Variants in PHYHIPL observed in about 807,000 individuals in gnomAD.
The protein encoded by PHYHIPL is phytanoyl-CoA hydroxylase-interacting protein-like.
A neutral mutation model predicts 33.4 loss-of-function variants in PHYHIPL; 9 were observed. The observed-to-expected ratio is 0.27, with a 90% confidence interval of 0.16 to 0.47. The LOEUF is 0.47. Ranked by LOEUF, PHYHIPL falls within the 20% of genes least tolerant of loss-of-function variation. The pLI is 0.99. For missense variants in PHYHIPL, 365 were observed against 460.7 expected (o/e 0.79, Z 1.90); for synonymous variants, 153 against 154.1 (o/e 0.99, Z 0.05).
chr10:59,226,816 C>A (rs1350507588), intron 1 of PHYHIPL, among the ~76,000 whole-genome samples: 2 of 151,996 alleles, frequency 1.3e-5, no homozygotes, highest in Non-Finnish European at 1.5e-5. Flanking sequence ...GGATTTATAA[C>A]TTCCAAATTA....
At chr10:59,186,031 G>A (rs1838590037) in intron 1 of PHYHIPL, among the ~76,000 whole-genome samples, 1 of 152,186 alleles carries the variant, frequency 6.6e-6, no homozygotes, top group Admixed American at 6.5e-5. Flanking sequence ...TAGACATGAA[G>A]TCCTTGTCCA....
chr10:59,192,346 G>A (rs758145696), intron 1 of PHYHIPL, among the ~76,000 whole-genome samples: 3 of 152,006 alleles, frequency 2.0e-5, no homozygotes, highest in Non-Finnish European at 2.9e-5. Context: ...CACCTAGACG[G>A]CTTACTAAAA....
At chr10:59,182,200 G>T (rs573642573) in intron 1 of PHYHIPL, among the ~76,000 whole-genome samples, 298 of 151,914 alleles carry the variant, frequency 2.0e-3, no homozygotes, top group African/African-American at 7.0e-3. Context: ...TATAAGTTTT[G>T]CCTTGTAGAA....
chr10:59,204,670 A>AT (rs1415639095), intron 1 of PHYHIPL, among the ~76,000 whole-genome samples: 5 of 151,304 alleles, frequency 3.3e-5, no homozygotes, highest in South Asian at 2.1e-4. Context: ...GTAATCTGAG[A>AT]TTTTTTTTTC....
chr10:59,200,002 A>T (rs1017270322), intron 1 of PHYHIPL, among the ~76,000 whole-genome samples: 2 of 152,148 alleles, frequency 1.3e-5, no homozygotes, highest in African/African-American at 4.8e-5. Flanking sequence ...TCATCTGCAA[A>T]CAGGGTCAAT....
intron 1 of PHYHIPL, among the ~76,000 whole-genome samples, chr10:59,204,394 T>G (rs1388209613): frequency 6.6e-6 from 1 of 152,324 alleles, no homozygotes; most frequent in East Asian, 1.9e-4. Flanking sequence ...AAGTTATATT[T>G]TATCATGTAA....
intron 1 of PHYHIPL, among the ~76,000 whole-genome samples, chr10:59,189,075 A>G (rs1406342589): frequency 1.3e-5 from 2 of 152,126 alleles, no homozygotes; most frequent in African/African-American, 4.8e-5. Flanking sequence ...GATGCATATT[A>G]CAAAAATTTA....
chr10:59,217,125 C>A (rs751158428), intron 1 of PHYHIPL, among the ~76,000 whole-genome samples: 46 of 152,020 alleles, frequency 3.0e-4, no homozygotes, highest in African/African-American at 1.1e-3. Flanking sequence ...TACTAGACTA[C>A]CTTTTACAAA....
intron 1 of PHYHIPL, among the ~76,000 whole-genome samples, chr10:59,181,204 T>C (rs1323263083): frequency 6.6e-6 from 1 of 152,208 alleles, no homozygotes; most frequent in Non-Finnish European, 1.5e-5. Flanking sequence ...GTAATAATTA[T>C]TATTCTGAAT....
intron 1 of PHYHIPL, among the ~76,000 whole-genome samples, chr10:59,202,370 A>G (rs1399784148): frequency 6.6e-6 from 1 of 152,216 alleles, no homozygotes; most frequent in African/African-American, 2.4e-5. Context: ...AAATATAAAA[A>G]GTTATTCCAT....
intron 1 of PHYHIPL, among the ~76,000 whole-genome samples, chr10:59,213,933 T>C (rs1839536664): frequency 6.6e-6 from 1 of 152,158 alleles, no homozygotes; most frequent in Non-Finnish European, 1.5e-5. Flanking sequence ...CAGTGGATAC[T>C]CAGCCTTTCT....
intron 4 of PHYHIPL, among the ~76,000 whole-genome samples, chr10:59,243,109 T>C (rs1037402245): frequency 1.4e-5 from 2 of 147,230 alleles, no homozygotes; most frequent in Admixed American, 1.3e-4. Flanking sequence ...TATTACAAAC[T>C]GAAAACTGCA....
intron 1 of PHYHIPL, among the ~76,000 whole-genome samples, chr10:59,187,762 C>T (rs886443256): frequency 6.6e-6 from 1 of 152,104 alleles, no homozygotes; most frequent in Non-Finnish European, 1.5e-5. Context: ...TAGAGAGGTT[C>T]ATAGTATTCA....
rs1327415452 is a variant in PHYHIPL at position 59,245,398 on chromosome 10, G to C, written c.938G>C (p.Cys313Ser). The change falls in exon 5 of 5, where the codon TGT (cysteine) becomes TCT (serine). Residue 313 changes from cysteine to serine, a missense_variant. Around this residue, in one of 4 missense-constraint regions of PHYHIPL, gnomAD observed 196 missense variants for 224.9 expected, o/e 0.87. Transcript: ENST00000373880. ...LNSKDNKFLT[C>S]TEEDGVLVYH... ...TCTAAGGATAATAAATTTTTGACCTGTACAGAAGAAGATGGGGTGCTGGTT... is the reference window on the plus strand; with the variant it reads ...TCTAAGGATAATAAATTTTTGACCTCTACAGAAGAAGATGGGGTGCTGGTT... 6.2e-7 allele frequency: 1 copy of C among 1,614,074 alleles called. No homozygotes were observed. Among genetic ancestry groups the C allele is most frequent in the Non-Finnish European group, 8.5e-7 (1 of 1,180,026 alleles).
chr10:59,210,899 G>A (rs2133237911), intron 1 of PHYHIPL, among the ~76,000 whole-genome samples: 1 of 152,182 alleles, frequency 6.6e-6, no homozygotes, highest in Middle Eastern at 3.4e-3. Flanking sequence ...ACAGGGAGGG[G>A]AACATCACAC....
rs535471406 is a variant in PHYHIPL at position 59,199,153 on chromosome 10, T to A, written c.106+22194T>A. 5.8e-4 allele frequency among the ~76,000 whole-genome samples: 88 copies of A among 152,238 alleles called. 1 individual carries two copies. The South Asian group carries it at 0.01, about 18-fold the overall frequency. On this transcript the variant is annotated intron_variant, in intron 1 of 4. Coordinates refer to ENST00000373880, the MANE Select transcript of PHYHIPL (RefSeq NM_032439.4). The stretch of plus-strand genomic sequence containing the variant: ...GCCCATGCCTATGTCCTGAATGGTA[T>A]TGCCTAGGTTTTCTTCTAGGGTTTT...
At position 59,179,743 on chromosome 10, in the gene PHYHIPL, A is replaced by T. The variant is rs540910791; in HGVS notation, c.106+2784A>T. Reference sequence around the variant, plus strand: ...TGATTACATTATAAACAATAATTCAATTTTTTTCATAGTTTCTAAAAATAT... The same window carrying T: ...TGATTACATTATAAACAATAATTCATTTTTTTTCATAGTTTCTAAAAATAT... On this transcript the variant is annotated intron_variant, in intron 1 of 4. Transcript: ENST00000373880. Among the ~76,000 whole-genome samples the T allele has an allele frequency of 7.3e-5, 11 of 151,180 alleles. No homozygotes were observed. The South Asian group carries it at 2.4e-3, about 32-fold the overall frequency.
intron 4 of PHYHIPL, among the ~76,000 whole-genome samples, chr10:59,240,492 T>C (rs1840360233): frequency 6.6e-6 from 1 of 151,282 alleles, no homozygotes; most frequent in South Asian, 2.1e-4. Flanking sequence ...TAACAGAAAG[T>C]CTATTTTATA....
chr10:59,203,036 C>T (rs921080413), intron 1 of PHYHIPL, among the ~76,000 whole-genome samples: 1 of 152,018 alleles, frequency 6.6e-6, no homozygotes, highest in Non-Finnish European at 1.5e-5. Context: ...GGGCTAATAC[C>T]CAGAATCTAC....
Sources: allele counts gnomAD v4.1 joint callset (sites outside exome capture counted in the v4.1 genomes callset), GRCh38; gene constraint gnomAD v4.1.1; regional missense constraint gnomAD v4.1.1; transcripts MANE v1.5; gene names NCBI Gene and HGNC (gene_info 2026-07-23, HGNC 2026-07-21).